Variants in FSTL5 observed in about 807,000 individuals in gnomAD.
FSTL5 encodes the protein follistatin like 5.
FSTL5 carries 62 observed loss-of-function variants against 89.1 expected under a neutral mutation model. The ratio of observed to expected loss-of-function variants is 0.70; its 90% CI spans 0.57 to 0.86. The LOEUF is 0.86. Among genes scored for constraint, FSTL5 ranks in the 40% least tolerant of loss-of-function variants. The pLI, the probability that FSTL5 is intolerant of heterozygous loss-of-function variation, is 0.00. For synonymous variants in FSTL5, 383 were observed against 346.2 expected, an observed-to-expected ratio of 1.11 and a Z score of -1.18; for missense variants, 1,057 against 1,001.6, an observed-to-expected ratio of 1.06 and a Z score of -0.75.
intron 4 of FSTL5, among the ~76,000 whole-genome samples, chr4:161,878,477 A>T (rs1256901992): frequency 6.6e-6 from 1 of 152,124 alleles, no homozygotes; most frequent in Non-Finnish European, 1.5e-5. Flanking sequence ...AGATCAGATG[A>T]TTATAGGACC....
chr4:162,094,689 T>C (rs1051181252), intron 2 of FSTL5, among the ~76,000 whole-genome samples: 5 of 152,146 alleles, frequency 3.3e-5, no homozygotes, highest in Admixed American at 6.6e-5. Flanking sequence ...TAGTGAAATA[T>C]ATGAAAGAGT....
In FSTL5 at chr4:161,784,500, T is replaced by C. The variant is rs1199811539; in HGVS notation, c.410-8426A>G. ...ATTCTATTAAGAACAAGTCTCTTAG[T>C]GCTCTTTAACACTAAACATCTTCTC... On this transcript the variant is annotated intron_variant, in intron 4 of 15. Transcript: ENST00000306100. 2.6e-5 allele frequency among the ~76,000 whole-genome samples: 4 copies of C among 152,204 alleles called. No individual in the cohort carries two copies. In the East Asian group the frequency reaches 7.7e-4, roughly 29 times the overall value.
intron 4 of FSTL5, among the ~76,000 whole-genome samples, chr4:161,848,040 A>G (rs1462288962): frequency 6.9e-6 from 1 of 145,918 alleles, no homozygotes; most frequent in African/African-American, 2.7e-5. Context: ...CCGTCTCAAA[A>G]AAAAAAAAAA....
intron 15 of FSTL5, among the ~76,000 whole-genome samples, chr4:161,442,167 C>CTTT: frequency 7.9e-6 from 1 of 126,132 alleles, no homozygotes; most frequent in East Asian, 2.5e-4. Flanking sequence ...TTTTTTCATT[C>CTTT]CCTCAGCAGA....
chr4:161,688,271 T>C (rs1276313598), intron 6 of FSTL5, among the ~76,000 whole-genome samples: 1 of 152,080 alleles, frequency 6.6e-6, no homozygotes, highest in Non-Finnish European at 1.5e-5. Flanking sequence ...TTTATAGAGA[T>C]GGAATCTTGC....
At chr4:161,420,870 T>C (rs931149253) in intron 15 of FSTL5, among the ~76,000 whole-genome samples, 16 of 150,600 alleles carry the variant, frequency 1.1e-4, no homozygotes, top group African/African-American at 3.6e-4. Flanking sequence ...ATATTATGTG[T>C]ATGGTATTAA....
intron 12 of FSTL5, among the ~76,000 whole-genome samples, chr4:161,492,709 G>A (rs7671543): frequency 0.99 from 150,770 of 152,094 alleles, 74,740 homozygotes; most frequent in Middle Eastern, 1. Flanking sequence ...AAAACGAGTT[G>A]TAATGGGCAA....
chr4:161,781,331 A>T (rs937394247), intron 4 of FSTL5, among the ~76,000 whole-genome samples: 57 of 110,802 alleles, frequency 5.1e-4, no homozygotes, highest in African/African-American at 7.7e-4. Context: ...GAACATAATT[A>T]AAAAAAAAAA....
At chr4:162,114,555 CACACACACACACAT>C (rs1197962660) in intron 1 of FSTL5, among the ~76,000 whole-genome samples, 3 of 151,046 alleles carry the variant, frequency 2.0e-5, no homozygotes, top group Non-Finnish European at 3.0e-5. Context: ...CACACACACA[CACACACACACACAT>C]ATTCTATATG....
intron 15 of FSTL5, among the ~76,000 whole-genome samples, chr4:161,442,029 C>A (rs920625031): frequency 9.2e-5 from 14 of 151,886 alleles, no homozygotes; most frequent in African/African-American, 3.4e-4. Context: ...TTATAGTTAC[C>A]AACTAATTTA....
At chr4:162,020,104 C>T (rs1213565130) in intron 3 of FSTL5, among the ~76,000 whole-genome samples, 1 of 151,364 alleles carries the variant, frequency 6.6e-6, no homozygotes, top group Non-Finnish European at 1.5e-5. Flanking sequence ...AAAAAAATTT[C>T]CAAAAATATC....
intron 12 of FSTL5, among the ~76,000 whole-genome samples, chr4:161,492,994 G>C (rs976830316): frequency 1.8e-4 from 27 of 151,740 alleles, no homozygotes; most frequent in African/African-American, 6.5e-4. Context: ...ACTGATATTT[G>C]TGACTTTTTT....
At chr4:161,713,744 T>G (rs1480387422) in intron 6 of FSTL5, among the ~76,000 whole-genome samples, 1 of 152,164 alleles carries the variant, frequency 6.6e-6, no homozygotes, top group Non-Finnish European at 1.5e-5. Context: ...ATTAATTTTT[T>G]TCTTAACATT....
chr4:161,883,805 G>A (rs771911048), intron 4 of FSTL5, among the ~76,000 whole-genome samples: 12 of 152,014 alleles, frequency 7.9e-5, no homozygotes, highest in Non-Finnish European at 1.3e-4. Flanking sequence ...TGATGTTACC[G>A]GCAGAGCGGA....
At chr4:161,649,544 T>C (rs909498362) in intron 7 of FSTL5, among the ~76,000 whole-genome samples, 2 of 152,182 alleles carry the variant, frequency 1.3e-5, no homozygotes, top group Admixed American at 1.3e-4. Flanking sequence ...CAGAGTTGGT[T>C]AAATTTGAAA....
intron 2 of FSTL5, among the ~76,000 whole-genome samples, chr4:162,059,767 G>A (rs1738662200): frequency 6.6e-6 from 1 of 152,122 alleles, no homozygotes; most frequent in Non-Finnish European, 1.5e-5. Context: ...GATAGGGCAG[G>A]ATCATGCTCA....
chr4:161,974,257 A>C (rs1436339015), intron 3 of FSTL5, among the ~76,000 whole-genome samples: 1 of 152,166 alleles, frequency 6.6e-6, no homozygotes, highest in Non-Finnish European at 1.5e-5. Flanking sequence ...GGAAAAAACT[A>C]CTTTAAAGTT....
intron 3 of FSTL5, among the ~76,000 whole-genome samples, chr4:161,967,252 T>C (rs1735355633): frequency 6.6e-6 from 1 of 152,026 alleles, no homozygotes; most frequent in Admixed American, 6.6e-5. Context: ...TCCTGTTGAG[T>C]ATTGTTGAGA....
chr4:161,399,762 G>C (rs1731124555), intron 15 of FSTL5, among the ~76,000 whole-genome samples: 1 of 152,096 alleles, frequency 6.6e-6, no homozygotes. Context: ...GTGGAGTGGA[G>C]ATGATTGCAT....
Sources: allele counts gnomAD v4.1 joint callset (sites outside exome capture counted in the v4.1 genomes callset), GRCh38; gene constraint gnomAD v4.1.1; transcripts MANE v1.5; gene names NCBI Gene and HGNC (gene_info 2026-07-23, HGNC 2026-07-21).